The following TECPR2 variants were observed in gnomAD, a reference collection of about 807,000 sequenced individuals.
TECPR2 encodes the protein tectonin beta-propeller repeat-containing protein 2.
A neutral mutation model predicts 138.1 loss-of-function variants in TECPR2; 65 were observed. The observed-to-expected ratio is 0.47, with a 90% CI of 0.39 to 0.58. TECPR2 has a LOEUF of 0.58. Among genes scored for constraint, TECPR2 ranks in the 20% least tolerant of loss-of-function variants. The pLI is 0.00. For missense variants in TECPR2, 1,553 were observed against 1,824.5 expected (o/e 0.85, Z 2.71); for synonymous variants, 746 against 749.8 (o/e 0.99, Z 0.08).
chr14:102,481,744 T>C (rs1349798601), intron 17 of TECPR2, among the ~76,000 whole-genome samples: 1 of 152,240 alleles, frequency 6.6e-6, no homozygotes, highest in Non-Finnish European at 1.5e-5. Flanking sequence ...TTTCGCTGCC[T>C]GTCTCTGAAT....
chr14:102,448,647 C>T (rs1890053303), intron 13 of TECPR2, among the ~76,000 whole-genome samples: 1 of 152,066 alleles, frequency 6.6e-6, no homozygotes, highest in South Asian at 2.1e-4. Context: ...GGGCGGATCA[C>T]CTGAGGTCAG....
intron 11 of TECPR2, among the ~76,000 whole-genome samples, chr14:102,441,970 C>T (rs1889848127): frequency 1.3e-5 from 2 of 152,172 alleles, no homozygotes; most frequent in South Asian, 4.2e-4. Flanking sequence ...GTTGTTGATT[C>T]CAGGAGAATG....
chr14:102,431,716 T>C, intron 7 of TECPR2, 80 bp from the exon 8 acceptor site: 2 of 1,381,290 alleles, frequency 1.4e-6, no homozygotes, highest in Non-Finnish European at 2.0e-6. Flanking sequence ...CAACTGGTAT[T>C]TAGGGCTAGC....
At position 102,374,877 on chromosome 14, in the gene TECPR2, C is replaced by T. The variant is rs1887602727; in HGVS notation, c.-72-1773C>T. ...CATTCATTTATGCAACAAATACTTGCTGAATGCCTCTGATGTGCCTAGCCC... is the reference window on the plus strand; with the variant it reads ...CATTCATTTATGCAACAAATACTTGTTGAATGCCTCTGATGTGCCTAGCCC... On this transcript the variant is annotated intron_variant, in intron 1 of 19. Coordinates refer to ENST00000359520, the MANE Select transcript of TECPR2 (RefSeq NM_014844.5). Among the ~76,000 whole-genome samples, 3 of 152,264 alleles carry T rather than the reference C, an allele frequency of 2.0e-5. No homozygotes were observed. In the South Asian group the frequency reaches 6.2e-4, roughly 32 times the overall value.
intron 7 of TECPR2, among the ~76,000 whole-genome samples, chr14:102,431,274 A>G (rs1163591836): frequency 1.3e-5 from 2 of 151,302 alleles, no homozygotes; most frequent in Admixed American, 1.3e-4. Context: ...ATTTTAATAT[A>G]TGAGCTTCTT....
At chr14:102,367,982 G>T in intron 1 of TECPR2, among the ~76,000 whole-genome samples, 1 of 93,902 alleles carries the variant, frequency 1.1e-5, no homozygotes, top group Non-Finnish European at 2.2e-5. Flanking sequence ...ATCTTTTTAT[G>T]TGCTTATTGG....
At position 102,420,218 on chromosome 14, in the gene TECPR2, C is replaced by T. The variant is rs1889142065; in HGVS notation, c.639-4761C>T. ...GGGAATTAAAATTTTTTTAGGTAAT[C>T]AATGAGGTTTTTGGAAATCATCTCT... On this transcript the variant is annotated intron_variant, in intron 5 of 19. Transcript: ENST00000359520. The surrounding 1 kb of genome is among the most constrained non-coding windows in gnomAD (Gnocchi z 4.1). Among the ~76,000 whole-genome samples, 1 of 152,174 alleles carries T rather than the reference C, an allele frequency of 6.6e-6. No homozygotes were observed. The highest frequency in any genetic ancestry group is 1.5e-5 in the Non-Finnish European group (1 of 68,028).
intron 17 of TECPR2, among the ~76,000 whole-genome samples, chr14:102,481,447 C>A (rs1043965748): frequency 6.6e-6 from 1 of 152,166 alleles, no homozygotes; most frequent in African/African-American, 2.4e-5. Flanking sequence ...CCACACCGAG[C>A]CTGGTTTTTA....
At chr14:102,399,383 C>G (rs1393329595) in intron 2 of TECPR2, among the ~76,000 whole-genome samples, 1 of 152,138 alleles carries the variant, frequency 6.6e-6, no homozygotes, top group Non-Finnish European at 1.5e-5. Flanking sequence ...GCAAAACTGT[C>G]CTTCAGAAAT....
intron 5 of TECPR2, 69 bp downstream of exon 5, chr14:102,414,862 C>T: frequency 6.4e-7 from 1 of 1,566,418 alleles, no homozygotes; most frequent in Non-Finnish European, 8.7e-7. Context: ...TTTAGGGTTT[C>T]TTAGGTCTCC....
At chr14:102,434,029 C>T (rs1889585941) in intron 8 of TECPR2, among the ~76,000 whole-genome samples, 1 of 152,110 alleles carries the variant, frequency 6.6e-6, no homozygotes, top group Non-Finnish European at 1.5e-5. Flanking sequence ...CTTAGCTGCC[C>T]TCAAACCCAT....
intron 6 of TECPR2, 118 bp downstream of exon 6, chr14:102,425,409 A>T: frequency 9.6e-7 from 1 of 1,044,456 alleles, no homozygotes; most frequent in Admixed American, 3.6e-5. Flanking sequence ...CTTACACTTT[A>T]CTTTTTCCTT....
chr14:102,406,769 G>A (rs1000581322), intron 2 of TECPR2, among the ~76,000 whole-genome samples: 3 of 152,166 alleles, frequency 2.0e-5, no homozygotes, highest in South Asian at 2.1e-4. Flanking sequence ...TGCGAGGATC[G>A]CTTGAGCCTG....
chr14:102,373,197 T>TC (rs1372616375), intron 1 of TECPR2, among the ~76,000 whole-genome samples: 2 of 151,830 alleles, frequency 1.3e-5, no homozygotes. Context: ...TGTTTTTTTT[T>TC]TCTTTCTTTT....
intron 2 of TECPR2, among the ~76,000 whole-genome samples, chr14:102,378,488 A>G (rs900622972): frequency 5.9e-5 from 9 of 152,130 alleles, no homozygotes; most frequent in Admixed American, 5.2e-4. Flanking sequence ...TCTGAGGCAG[A>G]TGTTATTATG....
At chr14:102,421,959 G>A (rs1889195930) in intron 5 of TECPR2, among the ~76,000 whole-genome samples, 1 of 152,206 alleles carries the variant, frequency 6.6e-6, no homozygotes, top group Admixed American at 6.5e-5. Flanking sequence ...GCATAGGGCT[G>A]AACTGAAATG....
Position 102,380,554 on chromosome 14 carries a change from C to G in TECPR2, c.219+3614C>G, listed in dbSNP as rs184858508. 3.3e-5 allele frequency among the ~76,000 whole-genome samples: 5 copies of G among 152,348 alleles called. 1 individual carries two copies. Among genetic ancestry groups the G allele is most frequent in the African/African-American group, 1.2e-4 (5 of 41,574 alleles). On this transcript the variant is annotated intron_variant, in intron 2 of 19. Transcript: ENST00000359520. ...ATGCCCATGATTCAGTTATCTCTAC[C>G]TGGTCCCTCCTACGACATGTGGGGA...
chr14:102,375,765 CTG>C (rs564104209), intron 1 of TECPR2, among the ~76,000 whole-genome samples: 3 of 152,138 alleles, frequency 2.0e-5, no homozygotes, highest in Non-Finnish European at 2.9e-5. Flanking sequence ...AGAGCTGTGA[CTG>C]TGCTGTTGTC....
chr14:102,466,541 CG>C (rs1284407036), intron 17 of TECPR2, among the ~76,000 whole-genome samples: 1 of 152,180 alleles, frequency 6.6e-6, no homozygotes, highest in African/African-American at 2.4e-5. Context: ...AGCCGCCTGT[CG>C]TTAGTTTCAT....
Sources: gnomAD v4.1 joint callset for allele counts (sites outside exome capture counted in the v4.1 genomes callset) on GRCh38, gnomAD v4.1.1 for gene constraint, Gnocchi (gnomAD v3.1) non-coding constraint, MANE v1.5 for transcripts, NCBI Gene and HGNC (gene_info 2026-07-23, HGNC 2026-07-21) for gene names.